The following SOX5 variants were observed in gnomAD, a reference collection of about 807,000 sequenced individuals.
The protein encoded by SOX5 is SRY-box transcription factor 5, also known as transcription factor SOX-5.
A neutral mutation model predicts 92.0 loss-of-function variants in SOX5; 9 were observed. The observed-to-expected ratio is 0.10, with a 90% CI of 0.06 to 0.17. The LOEUF (loss-of-function observed/expected upper bound fraction) is 0.17, where lower values mean the gene tolerates loss of function less well. SOX5 is among the 10% of genes least tolerant of loss of function. SOX5 has a pLI of 1.00. For synonymous variants in SOX5, 344 were observed against 336.3 expected (o/e 1.02, Z -0.25); for missense variants, 642 against 944.5 (o/e 0.68, Z 4.20).
intron 3 of SOX5, among the ~76,000 whole-genome samples, chr12:23,779,894 C>T (rs1000379852): frequency 1.2e-4 from 17 of 144,820 alleles, no homozygotes; most frequent in African/African-American, 4.3e-4. Context: ...CCTAATGATA[C>T]AATGTGTGCT....
chr12:23,720,705 T>C (rs2092767949), intron 6 of SOX5, among the ~76,000 whole-genome samples: 1 of 152,238 alleles, frequency 6.6e-6, no homozygotes, highest in Non-Finnish European at 1.5e-5. Flanking sequence ...CTAATTTCAG[T>C]GAATCAAAAT....
intron 1 of SOX5, among the ~76,000 whole-genome samples, chr12:24,451,090 T>C (rs934965143): frequency 1.3e-5 from 2 of 152,210 alleles, no homozygotes; most frequent in African/African-American, 4.8e-5. Context: ...CATAATGACC[T>C]CCAGTTCCAT....
At chr12:24,461,491 T>C (rs1943625131) in intron 1 of SOX5, among the ~76,000 whole-genome samples, 1 of 152,208 alleles carries the variant, frequency 6.6e-6, no homozygotes, top group South Asian at 2.1e-4. Flanking sequence ...AAAATAGCAA[T>C]ACACACTAAT....
At chr12:24,422,470 G>A (rs945389605) in intron 1 of SOX5, among the ~76,000 whole-genome samples, 4 of 152,158 alleles carry the variant, frequency 2.6e-5, no homozygotes, top group Admixed American at 2.6e-4. Context: ...TATCGAAAAA[G>A]TCTAGAAAGC....
intron 8 of SOX5, among the ~76,000 whole-genome samples, chr12:23,631,527 G>A (rs930270607): frequency 3.9e-4 from 59 of 152,062 alleles, no homozygotes; most frequent in African/African-American, 1.3e-3. Flanking sequence ...CTGGTCTTGG[G>A]ACAGCAGTTC....
chr12:24,375,581 A>G (rs1957179017), intron 1 of SOX5, among the ~76,000 whole-genome samples: 2 of 151,628 alleles, frequency 1.3e-5, no homozygotes, highest in Admixed American at 6.6e-5. Context: ...CTAAAAATAC[A>G]AAAAATTAGC....
At chr12:24,122,113 C>T (rs903813118) in intron 4 of SOX5, among the ~76,000 whole-genome samples, 1 of 152,196 alleles carries the variant, frequency 6.6e-6, no homozygotes, top group East Asian at 1.9e-4. Flanking sequence ...TTCCACTCAA[C>T]GGGAGCAAAA....
chr12:24,036,702 A>G (rs1956076424), intron 4 of SOX5, among the ~76,000 whole-genome samples: 1 of 152,130 alleles, frequency 6.6e-6, no homozygotes, highest in African/African-American at 2.4e-5. Context: ...ATGCATTTCT[A>G]CAAACTGTGG....
chr12:23,976,079 C>A (rs1569350032), intron 4 of SOX5, among the ~76,000 whole-genome samples: 1 of 151,924 alleles, frequency 6.6e-6, no homozygotes, highest in Non-Finnish European at 1.5e-5. Flanking sequence ...GTATTTGACT[C>A]TCTTGAGACA....
At chr12:24,362,767 T>G (rs1302979143) in intron 2 of SOX5, among the ~76,000 whole-genome samples, 3 of 151,802 alleles carry the variant, frequency 2.0e-5, no homozygotes, top group Non-Finnish European at 2.9e-5. Context: ...TAGATGAGTT[T>G]GATATTTAAT....
chr12:24,125,757 T>C (rs1272268709), intron 4 of SOX5, among the ~76,000 whole-genome samples: 1 of 152,218 alleles, frequency 6.6e-6, no homozygotes. Context: ...AACAAAAATC[T>C]TTCCCTGGAT....
chr12:24,324,661 T>C (rs1950510908), intron 2 of SOX5, among the ~76,000 whole-genome samples: 1 of 152,164 alleles, frequency 6.6e-6, no homozygotes, highest in Non-Finnish European at 1.5e-5. Flanking sequence ...CTATCTATGC[T>C]CATAGTCTTT....
intron 1 of SOX5, among the ~76,000 whole-genome samples, chr12:24,490,093 C>G (rs940159809): frequency 3.3e-5 from 5 of 152,192 alleles, no homozygotes; most frequent in African/African-American, 1.2e-4. Flanking sequence ...ATACATTCAG[C>G]GCACTGCTTT....
chr12:24,435,191 G>A (rs1272166603), intron 1 of SOX5, among the ~76,000 whole-genome samples: 1 of 152,204 alleles, frequency 6.6e-6, no homozygotes, highest in Non-Finnish European at 1.5e-5. Context: ...TACTAGCTAA[G>A]AGGTTGGTGT....
At chr12:23,568,237 C>T (rs1947498793) in intron 10 of SOX5, among the ~76,000 whole-genome samples, 1 of 152,166 alleles carries the variant, frequency 6.6e-6, no homozygotes, top group Admixed American at 6.5e-5. Flanking sequence ...TGAGCCAGGA[C>T]TGTCAGCAGT....
intron 2 of SOX5, among the ~76,000 whole-genome samples, chr12:23,866,569 T>A: frequency 6.6e-6 from 1 of 152,186 alleles, no homozygotes; most frequent in East Asian, 1.9e-4. Flanking sequence ...TCCAAAGCAA[T>A]ATTCTCTTTA....
chr12:24,517,403 AAC>A (rs1949887951), intron 1 of SOX5, among the ~76,000 whole-genome samples: 1 of 152,196 alleles, frequency 6.6e-6, no homozygotes, highest in Admixed American at 6.5e-5. Context: ...AAGCACGGGA[AAC>A]ACAGTGAAAA....
chr12:24,329,677 ATGGT>A (rs962704341), intron 2 of SOX5, among the ~76,000 whole-genome samples: 1 of 152,206 alleles, frequency 6.6e-6, no homozygotes, highest in African/African-American at 2.4e-5. Flanking sequence ...CAATAATAAA[ATGGT>A]TGGTGATGTG....
At chr12:24,016,216 GCAC>G in intron 4 of SOX5, among the ~76,000 whole-genome samples, 1 of 152,230 alleles carries the variant, frequency 6.6e-6, no homozygotes, top group East Asian at 1.9e-4. Context: ...CAAGATTACA[GCAC>G]CCTATGAAAC....
Sources: gnomAD v4.1 joint callset for allele counts (sites outside exome capture counted in the v4.1 genomes callset) on GRCh38, gnomAD v4.1.1 for gene constraint, MANE v1.5 for transcripts, NCBI Gene and HGNC (gene_info 2026-07-23, HGNC 2026-07-21) for gene names.